The following ARHGEF10L variants were observed in gnomAD, a reference collection of about 807,000 sequenced individuals.
ARHGEF10L encodes the protein rho guanine nucleotide exchange factor 10-like protein.
A neutral mutation model predicts 141.2 loss-of-function variants in ARHGEF10L; 69 were observed. The ratio of observed to expected loss-of-function variants is 0.49; its 90% CI spans 0.40 to 0.60. The LOEUF is 0.60. ARHGEF10L is among the 20% of genes least tolerant of loss of function. The pLI is 0.00. For missense variants in ARHGEF10L, 1,482 were observed against 1,734.3 expected, an observed-to-expected ratio of 0.85 and a Z score of 2.58; for synonymous variants, 711 against 718.5, an observed-to-expected ratio of 0.99 and a Z score of 0.17.
At position 17,539,815 on chromosome 1, in the gene ARHGEF10L, C is replaced by A. The variant is rs1381452753; in HGVS notation, c.-179C>A. 1 of 146,500 alleles carries A rather than the reference C, an allele frequency of 6.8e-6. No individual in the cohort carries two copies. The highest frequency in any genetic ancestry group is 1.5e-5 in the Non-Finnish European group (1 of 65,680). The allele number at this position is 146,500 out of a possible 1,614,324, so 9.1% of individuals were successfully genotyped here. On this transcript the variant is annotated 5_prime_UTR_variant, in exon 1 of 29. Coordinates refer to ENST00000361221, the MANE Select transcript of ARHGEF10L (RefSeq NM_018125.4). This position sits in a 1 kb window ranked among gnomAD's most constrained non-coding sequence, Gnocchi z 6.0. The stretch of plus-strand genomic sequence containing the variant: ...GCGGCGCGGCCATTGGCTCGGGTGG[C>A]GGCGGCTGCGGCGGTGGGGGCGCCG...
chr1:17,652,957 A>G (rs1571279893), intron 22 of ARHGEF10L, among the ~76,000 whole-genome samples: 1 of 152,280 alleles, frequency 6.6e-6, no homozygotes, highest in African/African-American at 2.4e-5. Flanking sequence ...TTGGCCGTGT[A>G]CCCTGTCTCC....
intron 4 of ARHGEF10L, among the ~76,000 whole-genome samples, chr1:17,592,593 G>C (rs928704749): frequency 6.6e-6 from 1 of 152,180 alleles, no homozygotes; most frequent in East Asian, 1.9e-4. Context: ...TGGAAACAGG[G>C]CGCTGGTGGC....
intron 2 of ARHGEF10L, among the ~76,000 whole-genome samples, chr1:17,583,621 C>G (rs1470986073): frequency 6.6e-6 from 1 of 152,106 alleles, no homozygotes; most frequent in Non-Finnish European, 1.5e-5. Flanking sequence ...CCTGGGTGAG[C>G]TGGAGTCTGA....
intron 1 of ARHGEF10L, among the ~76,000 whole-genome samples, chr1:17,545,605 C>T (rs896442769): frequency 5.3e-5 from 8 of 152,164 alleles, no homozygotes; most frequent in African/African-American, 1.9e-4. Context: ...TGAGGACAGA[C>T]CGTGGACAAA....
chr1:17,560,820 C>T (rs745456490), intron 1 of ARHGEF10L, among the ~76,000 whole-genome samples: 3 of 152,200 alleles, frequency 2.0e-5, no homozygotes, highest in Admixed American at 1.3e-4. Context: ...CCACCTTGGC[C>T]TCCCAAAGTG....
the ARHGEF10L span, among the ~76,000 whole-genome samples, chr1:17,533,749 G>A: frequency 2.9e-3 from 441 of 152,252 alleles, 5 homozygotes; most frequent in African/African-American, 1.0e-2. Context: ...TATGGAAGGA[G>A]GGTTTCATCT....
At chr1:17,670,390 T>A (rs1014952859) in intron 26 of ARHGEF10L, among the ~76,000 whole-genome samples, 3 of 152,268 alleles carry the variant, frequency 2.0e-5, no homozygotes, top group Non-Finnish European at 4.4e-5. Context: ...GGGGCCCGTG[T>A]CAACACCGCG....
intron 1 of ARHGEF10L, among the ~76,000 whole-genome samples, chr1:17,565,880 C>T (rs2077734445): frequency 6.6e-6 from 1 of 152,170 alleles, no homozygotes; most frequent in Non-Finnish European, 1.5e-5. Flanking sequence ...CTCCTCTCCC[C>T]ACCTCCTGTA....
Position 17,540,274 on chromosome 1 carries a change from A to AC in ARHGEF10L, c.-44+327dup, listed in dbSNP as rs1441403748. On this transcript the variant is annotated intron_variant, in intron 1 of 28. Coordinates refer to ENST00000361221, the MANE Select transcript of ARHGEF10L (RefSeq NM_018125.4). ...GGACAGTTTGGGAACCCCCACCCCC[A>AC]CCCTGTGCCTCACTTTCCCCTGTGG... is the stretch of plus-strand genomic sequence containing the variant. Among the ~76,000 whole-genome samples, 7 of 72,028 alleles carry AC rather than the reference A, an allele frequency of 9.7e-5. No individual in the cohort carries two copies. The Admixed American group carries it at 9.8e-4, about 10-fold the overall frequency. 47.3% of individuals were successfully genotyped at this position (72,028 alleles called of 152,430 possible).
intron 26 of ARHGEF10L, 67 bp from the exon 27 acceptor site, chr1:17,687,506 G>C: frequency 6.4e-7 from 1 of 1,564,744 alleles, no homozygotes; most frequent in Non-Finnish European, 8.7e-7. Context: ...GCCCAGGGGT[G>C]GGGGCTTGTA....
intron 9 of ARHGEF10L, chr1:17,618,380 G>A: frequency 4.5e-6 from 7 of 1,543,174 alleles, no homozygotes; most frequent in Non-Finnish European, 4.4e-6. Flanking sequence ...CGTGGGGGAA[G>A]AGGAAGCTGC....
chr1:17,516,547 T>TGCC, the ARHGEF10L span, among the ~76,000 whole-genome samples: 2 of 152,164 alleles, frequency 1.3e-5, no homozygotes, highest in African/African-American at 2.4e-5. Flanking sequence ...CTGCTGCTGC[T>TGCC]GCCGTGGGAG....
At position 17,626,058 on chromosome 1, in the gene ARHGEF10L, A is replaced by G. The variant is rs1325617807; in HGVS notation, c.1410+10A>G. ...CATACTCCTGCTTCAGGTACTGCTCAGGATTCCAGCAGCTTCAACCCACAG... is the reference window on the plus strand; with the variant it reads ...CATACTCCTGCTTCAGGTACTGCTCGGGATTCCAGCAGCTTCAACCCACAG... On this transcript the variant is annotated intron_variant, in intron 14 of 28. Coordinates refer to ENST00000361221, the MANE Select transcript of ARHGEF10L (RefSeq NM_018125.4). 7.4e-6 allele frequency: 12 copies of G among 1,613,412 alleles called. No homozygotes were observed. The highest frequency in any genetic ancestry group is 1.1e-5 in the South Asian group (1 of 91,068).
chr1:17,520,557 C>T, the ARHGEF10L span, among the ~76,000 whole-genome samples: 1 of 152,122 alleles, frequency 6.6e-6, no homozygotes, highest in Non-Finnish European at 1.5e-5. Context: ...GTCATTGACA[C>T]CCTTGTGTGT....
chr1:17,516,460 G>A, the ARHGEF10L span, among the ~76,000 whole-genome samples: 5 of 152,176 alleles, frequency 3.3e-5, no homozygotes, highest in African/African-American at 9.7e-5. Flanking sequence ...GATGGGGGCT[G>A]GTCCAGGGTT....
At chr1:17,687,770 G>T in intron 27 of ARHGEF10L, 23 bp downstream of exon 27, 1 of 1,554,744 alleles carries the variant, frequency 6.4e-7, no homozygotes. Flanking sequence ...CGGGCACGGG[G>T]GAGCGGACAG....
chr1:17,543,476 G>T (rs566169991), intron 1 of ARHGEF10L, among the ~76,000 whole-genome samples: 2 of 151,780 alleles, frequency 1.3e-5, no homozygotes, highest in Non-Finnish European at 2.9e-5. Flanking sequence ...CCAGCTACTC[G>T]GGAGTCTGAG....
At chr1:17,570,784 A>G (rs1258189747) in intron 1 of ARHGEF10L, among the ~76,000 whole-genome samples, 1 of 151,728 alleles carries the variant, frequency 6.6e-6, no homozygotes, top group Admixed American at 6.6e-5. Flanking sequence ...AGGGGGTGAG[A>G]TGCGCTCGGA....
chr1:17,584,486 C>T (rs1024711025), intron 2 of ARHGEF10L, among the ~76,000 whole-genome samples: 5 of 151,968 alleles, frequency 3.3e-5, no homozygotes, highest in African/African-American at 1.2e-4. Flanking sequence ...TACCTGCCCT[C>T]GTGAAGCTTA....
Sources: allele counts gnomAD v4.1 joint callset (sites outside exome capture counted in the v4.1 genomes callset), GRCh38; gene constraint gnomAD v4.1.1; non-coding constraint Gnocchi (gnomAD v3.1); transcripts MANE v1.5; gene names NCBI Gene and HGNC (gene_info 2026-07-23, HGNC 2026-07-21).